Variants in DNAH5 observed in about 807,000 individuals in gnomAD.
DNAH5 encodes dynein axonemal heavy chain 5, also known as axonemal beta dynein heavy chain 5.
Under a neutral mutation model 518.2 loss-of-function variants are expected in DNAH5, and 372 were observed. The ratio of observed to expected loss-of-function variants is 0.72; its 90% confidence interval spans 0.66 to 0.78. The LOEUF (loss-of-function observed/expected upper bound fraction) is 0.78, where lower values mean the gene tolerates loss of function less well. Ranked by LOEUF, DNAH5 falls within the 30% of genes least tolerant of loss-of-function variation. The pLI is 0.00. For synonymous variants in DNAH5, 2,039 were observed against 2,025.9 expected (o/e 1.01, Z -0.17); for missense variants, 5,523 against 5,687.0 (o/e 0.97, Z 0.93).
At position 13,780,767 on chromosome 5, in the gene DNAH5, G is replaced by A; in HGVS notation, c.8951+62C>T. On this transcript the variant is annotated intron_variant, in intron 53 of 78. Transcript: ENST00000265104. The stretch of plus-strand genomic sequence containing the variant: ...TAAGAGAAATGCATTTGAACTTCAG[G>A]TGGCCTCTGAGCACCTTTTATCAAA... The A allele has an allele frequency of 7.6e-6, 12 of 1,581,028 alleles. No individual in the cohort carries two copies. In the South Asian group the frequency reaches 1.3e-4, roughly 18 times the overall value.
chr5:13,816,631 G>A (rs16902777), intron 42 of DNAH5, among the ~76,000 whole-genome samples: 37,464 of 151,432 alleles, frequency 0.25, 4,929 homozygotes, highest in East Asian at 0.52. Flanking sequence ...TTTACAGTGG[G>A]TTAGTGGAAC....
intron 1 of DNAH5, among the ~76,000 whole-genome samples, chr5:13,996,375 C>CA (rs951185992): frequency 3.3e-5 from 5 of 152,056 alleles, no homozygotes; most frequent in African/African-American, 1.2e-4. Context: ...CCAATAGTCC[C>CA]AAAAAACTCT....
chr5:13,748,810 T>A (rs1326548975), intron 65 of DNAH5, among the ~76,000 whole-genome samples: 2 of 152,278 alleles, frequency 1.3e-5, no homozygotes, highest in East Asian at 3.9e-4. Context: ...AGATATACAA[T>A]CATGTCATCT....
intron 75 of DNAH5, among the ~76,000 whole-genome samples, chr5:13,709,745 A>G (rs1021521578): frequency 6.6e-6 from 1 of 152,178 alleles, no homozygotes; most frequent in African/African-American, 2.4e-5. Context: ...AGAAGTGGGA[A>G]AGGGAGAGCC....
At chr5:13,995,773 T>C (rs1409550840) in intron 1 of DNAH5, among the ~76,000 whole-genome samples, 1 of 152,214 alleles carries the variant, frequency 6.6e-6, no homozygotes, top group African/African-American at 2.4e-5. Context: ...ACCCTCTCTT[T>C]ATTCAACAAC....
intron 22 of DNAH5, among the ~76,000 whole-genome samples, chr5:13,876,387 C>G (rs911341583): frequency 3.3e-5 from 5 of 152,172 alleles, no homozygotes; most frequent in African/African-American, 1.2e-4. Flanking sequence ...TAACAACAGT[C>G]TGACTTGTAG....
At chr5:13,986,221 CTG>C (rs1334420446) in intron 1 of DNAH5, among the ~76,000 whole-genome samples, 1 of 152,158 alleles carries the variant, frequency 6.6e-6, no homozygotes, top group African/African-American at 2.4e-5. Flanking sequence ...ATTGGAAGGA[CTG>C]TGTGTGTGCA....
In DNAH5 at chr5:13,794,146, C is replaced by T. The variant is rs559587616; in HGVS notation, c.7888-88G>A. Reference sequence around the variant, plus strand: ...TTAAAAAACAACAAAAACTGGTAACCTTTGAACTGATATGAATTATTTCTA... The same window carrying T: ...TTAAAAAACAACAAAAACTGGTAACTTTTGAACTGATATGAATTATTTCTA... On this transcript the variant is annotated intron_variant, in intron 47 of 78. Transcript: ENST00000265104. 435 of 1,546,314 alleles carry T rather than the reference C, an allele frequency of 2.8e-4. 1 individual carries two copies. Among genetic ancestry groups the T allele is most frequent in the South Asian group, 2.1e-3 (180 of 87,216 alleles).
chr5:13,996,658 T>G (rs933066232), intron 1 of DNAH5, among the ~76,000 whole-genome samples: 1 of 152,240 alleles, frequency 6.6e-6, no homozygotes, highest in African/African-American at 2.4e-5. Context: ...TGACTCCATC[T>G]CCCACCTTCT....
chr5:13,899,731 C>T (rs1457228079), intron 15 of DNAH5: 7 of 173,262 alleles, frequency 4.0e-5, no homozygotes, highest in East Asian at 1.7e-4. Context: ...CACACCAAAA[C>T]CACAGGTATT....
Position 13,973,201 on chromosome 5 carries a change from A to G in DNAH5, c.12+38447T>C, listed in dbSNP as rs143220974. 3.5e-3 allele frequency among the ~76,000 whole-genome samples: 531 copies of G among 152,318 alleles called. 1 individual carries two copies. The highest frequency in any genetic ancestry group is 5.4e-3 in the Admixed American group (83 of 15,308). On this transcript the variant is annotated intron_variant, in intron 1 of 78. Transcript: ENST00000681290. ...GCAGCAATGCCAGAGGGAGGCCAGG[A>G]GCCAAGGAATTCAGATGACCTTTAG...
chr5:13,751,454 G>T (rs144543911), intron 64 of DNAH5, among the ~76,000 whole-genome samples, 194 bp from the exon 65 acceptor site: 40 of 152,088 alleles, frequency 2.6e-4, no homozygotes, highest in African/African-American at 9.2e-4. Context: ...AGAAGGATGG[G>T]AGGAAGAAAC....
intron 47 of DNAH5, among the ~76,000 whole-genome samples, chr5:13,796,330 C>A (rs1182289318): frequency 6.6e-6 from 1 of 152,182 alleles, no homozygotes; most frequent in African/African-American, 2.4e-5. Context: ...TCTCCTTAAG[C>A]TGATAAGCAA....
intron 65 of DNAH5, among the ~76,000 whole-genome samples, chr5:13,749,505 T>C (rs1358817984): frequency 6.6e-6 from 1 of 152,198 alleles, no homozygotes; most frequent in African/African-American, 2.4e-5. Flanking sequence ...GGCCCAGTGA[T>C]GGGCTTATTT....
chr5:13,755,188 G>A (rs1750820860), intron 61 of DNAH5, among the ~76,000 whole-genome samples: 1 of 152,086 alleles, frequency 6.6e-6, no homozygotes, highest in African/African-American at 2.4e-5. Context: ...TATTCTACTT[G>A]TAAAAATCTA....
At chr5:14,009,445 G>A (rs931123735) in intron 1 of DNAH5, among the ~76,000 whole-genome samples, 2 of 152,198 alleles carry the variant, frequency 1.3e-5, no homozygotes, top group African/African-American at 4.8e-5. Flanking sequence ...TGACATTTCA[G>A]GGATGCAACA....
chr5:13,892,530 T>C (rs1773402224), intron 16 of DNAH5, among the ~76,000 whole-genome samples: 1 of 152,226 alleles, frequency 6.6e-6, no homozygotes, highest in Non-Finnish European at 1.5e-5. Flanking sequence ...AGAAACTTCA[T>C]CTTTGTTCTA....
At chr5:13,857,931 C>T (rs574015865) in intron 30 of DNAH5, among the ~76,000 whole-genome samples, 174 of 152,256 alleles carry the variant, frequency 1.1e-3, no homozygotes, top group Non-Finnish European at 5.9e-4. Context: ...TAGGCAATAA[C>T]ATTCAGGACA....
intron 12 of DNAH5, among the ~76,000 whole-genome samples, chr5:13,905,979 T>A (rs533093916): frequency 1.3e-5 from 2 of 152,098 alleles, no homozygotes; most frequent in Non-Finnish European, 2.9e-5. Flanking sequence ...TGAAAAGGCA[T>A]GAAGAAAATA....
Sources: allele counts gnomAD v4.1 joint callset (sites outside exome capture counted in the v4.1 genomes callset), GRCh38; gene constraint gnomAD v4.1.1; transcripts MANE v1.5; gene names NCBI Gene and HGNC (gene_info 2026-07-23, HGNC 2026-07-21).